Variants in INPP5A observed in about 807,000 individuals in gnomAD.
INPP5A encodes inositol polyphosphate-5-phosphatase A, also known as 43 kDa inositol polyphosphate 5-phophatase.
INPP5A carries 14 observed loss-of-function variants against 65.2 expected under a neutral mutation model. The ratio of observed to expected loss-of-function variants is 0.21; its 90% confidence interval spans 0.14 to 0.34. The LOEUF (loss-of-function observed/expected upper bound fraction) is 0.34. INPP5A is among the 10% of genes least tolerant of loss of function. The probability of loss-of-function intolerance (pLI) is 1.00; values close to 1 mark genes in which losing one functional copy is unlikely to be tolerated. For synonymous variants in INPP5A, 207 were observed against 208.3 expected, an observed-to-expected ratio of 0.99 and a Z score of 0.05; for missense variants, 431 against 545.6, an observed-to-expected ratio of 0.79 and a Z score of 2.09.
At chr10:132,602,587 G>A (rs1040657120) in intron 1 of INPP5A, among the ~76,000 whole-genome samples, 4 of 152,128 alleles carry the variant, frequency 2.6e-5, no homozygotes, top group African/African-American at 9.7e-5. Flanking sequence ...GAGCCACTGC[G>A]CCCGGCCTTA....
chr10:132,589,876 G>A (rs1485099634), intron 1 of INPP5A, among the ~76,000 whole-genome samples: 2 of 152,218 alleles, frequency 1.3e-5, no homozygotes, highest in African/African-American at 4.8e-5. Context: ...ATGCCAGGGA[G>A]CCCACAGCCT....
At chr10:132,573,144 G>A (rs2071369615) in intron 1 of INPP5A, among the ~76,000 whole-genome samples, 5 of 140,222 alleles carry the variant, frequency 3.6e-5, no homozygotes, top group African/African-American at 8.2e-5. Context: ...TGAGATGTTG[G>A]GGTGTGTGTG....
At chr10:132,733,416 C>T (rs1443114368) in intron 9 of INPP5A, among the ~76,000 whole-genome samples, 1 of 152,140 alleles carries the variant, frequency 6.6e-6, no homozygotes, top group Non-Finnish European at 1.5e-5. Flanking sequence ...TGAAAAATGA[C>T]CAGATTTATT....
intron 2 of INPP5A, among the ~76,000 whole-genome samples, chr10:132,625,113 C>T (rs796664438): frequency 3.2e-5 from 4 of 125,528 alleles, no homozygotes; most frequent in African/African-American, 8.8e-5. Context: ...CTCTCCCTCC[C>T]CCCTCCCCCT....
At chr10:132,595,303 G>T (rs938916648) in intron 1 of INPP5A, among the ~76,000 whole-genome samples, 1 of 152,054 alleles carries the variant, frequency 6.6e-6, no homozygotes, top group Non-Finnish European at 1.5e-5. Flanking sequence ...GCCGGTGGGG[G>T]CTTGTGTGAG....
At chr10:132,768,751 C>T (rs539454086) in intron 12 of INPP5A, among the ~76,000 whole-genome samples, 8 of 152,392 alleles carry the variant, frequency 5.2e-5, no homozygotes, top group Admixed American at 1.3e-4. Context: ...GGTCTGGCAG[C>T]GTCTCCTTCC....
intron 9 of INPP5A, 64 bp from the exon 10 acceptor site, chr10:132,749,452 CG>C (rs1846431467): frequency 7.0e-7 from 1 of 1,420,358 alleles, no homozygotes; most frequent in African/African-American, 1.4e-5. Flanking sequence ...CTCGGGGTGT[CG>C]GGTGACGCTG....
chr10:132,716,498 A>G (rs118186587), intron 8 of INPP5A, among the ~76,000 whole-genome samples: 3,289 of 152,336 alleles, frequency 0.022, 56 homozygotes, highest in South Asian at 0.053. Context: ...GTGCTCGGTC[A>G]TGGGACTCGC....
chr10:132,607,713 G>A (rs1216126185), intron 1 of INPP5A, among the ~76,000 whole-genome samples: 1 of 152,236 alleles, frequency 6.6e-6, no homozygotes, highest in Non-Finnish European at 1.5e-5. Flanking sequence ...CCCTGGGACA[G>A]CACAGAGCGG....
At chr10:132,670,462 C>A (rs1352645284) in intron 4 of INPP5A, among the ~76,000 whole-genome samples, 1 of 137,460 alleles carries the variant, frequency 7.3e-6, no homozygotes, top group Non-Finnish European at 1.6e-5. Context: ...CCCACAGCCC[C>A]CATCTTCAGC....
chr10:132,689,024 CAT>C (rs935753839), intron 4 of INPP5A, among the ~76,000 whole-genome samples: 47 of 150,598 alleles, frequency 3.1e-4, no homozygotes, highest in African/African-American at 1.1e-3. Flanking sequence ...TGCGTGAGTG[CAT>C]ATATGTGTTA....
At chr10:132,646,198 C>T (rs2072491797) in intron 3 of INPP5A, among the ~76,000 whole-genome samples, 1 of 152,188 alleles carries the variant, frequency 6.6e-6, no homozygotes, top group Admixed American at 6.5e-5. Context: ...TGCCTCCACA[C>T]GGCGAGGGTC....
chr10:132,558,310 C>G (rs903573764), intron 1 of INPP5A, among the ~76,000 whole-genome samples: 1 of 152,226 alleles, frequency 6.6e-6, no homozygotes, highest in African/African-American at 2.4e-5. Flanking sequence ...GCTCTCCCCC[C>G]CGGCCCACGC....
intron 4 of INPP5A, among the ~76,000 whole-genome samples, chr10:132,687,793 C>T (rs1045782582): frequency 4.6e-5 from 7 of 152,342 alleles, no homozygotes; most frequent in Middle Eastern, 3.4e-3. Flanking sequence ...GGAGGCGGCA[C>T]GTGTCCCTGC....
intron 5 of INPP5A, among the ~76,000 whole-genome samples, chr10:132,694,000 T>A (rs1400864918): frequency 6.6e-6 from 1 of 152,168 alleles, no homozygotes; most frequent in Non-Finnish European, 1.5e-5. Context: ...AAGACATAGT[T>A]TAACTCAACA....
intron 1 of INPP5A, among the ~76,000 whole-genome samples, chr10:132,589,055 G>A (rs773644092): frequency 6.6e-6 from 1 of 152,128 alleles, no homozygotes; most frequent in Non-Finnish European, 1.5e-5. Flanking sequence ...GGTGTGTGTC[G>A]CCATCAGTGG....
At chr10:132,558,459 C>G (rs1564915455) in intron 1 of INPP5A, among the ~76,000 whole-genome samples, 1 of 152,328 alleles carries the variant, frequency 6.6e-6, no homozygotes, top group Non-Finnish European at 1.5e-5. Flanking sequence ...ACGTCCACGT[C>G]GGCTCCTGTG....
At chr10:132,720,154 C>A (rs1367601259) in intron 8 of INPP5A, among the ~76,000 whole-genome samples, 1 of 149,532 alleles carries the variant, frequency 6.7e-6, no homozygotes, top group Non-Finnish European at 1.5e-5. Flanking sequence ...CTTCAGGGTT[C>A]TGTGGTACCT....
intron 4 of INPP5A, among the ~76,000 whole-genome samples, chr10:132,652,814 G>A (rs760485648): frequency 6.6e-6 from 1 of 152,228 alleles, no homozygotes; most frequent in Non-Finnish European, 1.5e-5. Flanking sequence ...CGTGTTGTCG[G>A]GGCTGAGAGC....
Sources: gnomAD v4.1 joint callset for allele counts (sites outside exome capture counted in the v4.1 genomes callset) on GRCh38, gnomAD v4.1.1 for gene constraint, MANE v1.5 for transcripts, NCBI Gene and HGNC (gene_info 2026-07-23, HGNC 2026-07-21) for gene names.